Variants in NBAS observed in about 807,000 individuals in gnomAD.
NBAS encodes the protein NBAS subunit of NRZ tethering complex.
In NBAS, 219 loss-of-function variants were observed where a neutral mutation model predicts 302.5. The observed-to-expected ratio is 0.72, with a 90% CI of 0.65 to 0.81. NBAS has a LOEUF of 0.81. Among genes scored for constraint, NBAS ranks in the 30% least tolerant of loss-of-function variants. NBAS has a pLI of 0.00. For synonymous variants in NBAS, 1,118 were observed against 1,021.6 expected, an observed-to-expected ratio of 1.09 and a Z score of -1.80; for missense variants, 2,932 against 2,841.6, an observed-to-expected ratio of 1.03 and a Z score of -0.72.
chr2:15,511,399 A>G lies in NBAS; in HGVS notation c.747-49T>C, dbSNP rs769539187. ...AATCGATAAATTGCAAATATAAATAAGAGCAAAACAAAGAGAGCAGAAACA... is the reference window on the plus strand; with the variant it reads ...AATCGATAAATTGCAAATATAAATAGGAGCAAAACAAAGAGAGCAGAAACA... On this transcript the variant is annotated intron_variant, in intron 9 of 51. Transcript: ENST00000281513. 16 of 1,553,624 alleles carry G rather than the reference A, an allele frequency of 1.0e-5. No individual in the cohort carries two copies. In the South Asian group the frequency reaches 1.7e-4, roughly 16 times the overall value.
intron 46 of NBAS, among the ~76,000 whole-genome samples, chr2:15,233,378 T>G (rs1667460580): frequency 6.6e-6 from 1 of 152,184 alleles, no homozygotes; most frequent in Non-Finnish European, 1.5e-5. Flanking sequence ...TGTCAAAAAT[T>G]TATAAGTGTA....
At chr2:15,066,637 A>C in the NBAS span, among the ~76,000 whole-genome samples, 1 of 152,216 alleles carries the variant, frequency 6.6e-6, no homozygotes, top group East Asian at 1.9e-4. Context: ...GGAAATGCAA[A>C]TCAAAACCAC....
intron 35 of NBAS, among the ~76,000 whole-genome samples, chr2:15,332,962 G>A (rs1185845092): frequency 1.3e-5 from 2 of 152,098 alleles, no homozygotes; most frequent in African/African-American, 4.8e-5. Context: ...TAGGCAATGG[G>A]GTGACAAAAA....
the NBAS span, among the ~76,000 whole-genome samples, chr2:15,135,373 T>G: frequency 1.3e-5 from 2 of 152,224 alleles, no homozygotes; most frequent in African/African-American, 4.8e-5. Context: ...CCCAGGCAGA[T>G]GAGCTAGGTG....
At chr2:15,049,833 C>T in the NBAS span, among the ~76,000 whole-genome samples, 8 of 152,118 alleles carry the variant, frequency 5.3e-5, no homozygotes, top group East Asian at 5.8e-4. Context: ...AACAAGCTGG[C>T]GACAGGGCCG....
At position 15,548,100 on chromosome 2, in the gene NBAS, T is replaced by C. The variant is rs2148704567; in HGVS notation, c.379+3393A>G. Among the ~76,000 whole-genome samples the C allele has an allele frequency of 2.0e-5, 3 of 152,360 alleles. 1 individual carries two copies. The Middle Eastern group carries it at 0.01, about 518-fold the overall frequency. ...TATATAATAAATACATGTACACTTT[T>C]GTGAATTTCTAAAGTTAAACAAGAA... On this transcript the variant is annotated intron_variant, in intron 6 of 51. Coordinates refer to ENST00000281513, the MANE Select transcript of NBAS (RefSeq NM_015909.4).
rs1192581965 is a variant in NBAS, at chr2:15,539,094, G to C, written c.513+129C>G. 2.4e-6 allele frequency: 3 copies of C among 1,247,282 alleles called. No individual in the cohort carries two copies. In the East Asian group the frequency reaches 7.4e-5, roughly 31 times the overall value. The allele number at this position is 1,247,282 out of a possible 1,614,324, so 77.3% of individuals were successfully genotyped here. A position where few individuals can be genotyped will look rare whatever the true frequency, so the allele number is the denominator to read the frequency against. On this transcript the variant is annotated intron_variant, in intron 7 of 51. Coordinates refer to ENST00000281513, the MANE Select transcript of NBAS (RefSeq NM_015909.4). The stretch of plus-strand genomic sequence containing the variant: ...ACAGATTTCTAACTAGATTCTGGGC[G>C]TCTTAAGTCCACAGCTTATTATTCT...
the NBAS span, among the ~76,000 whole-genome samples, chr2:15,011,555 A>ACTAGCC: frequency 2.0e-5 from 3 of 152,116 alleles, no homozygotes; most frequent in Non-Finnish European, 4.4e-5. Context: ...GGGCCTGAGA[A>ACTAGCC]CTAGCCCTGC....
chr2:15,302,814 T>G (rs1670865424), intron 40 of NBAS, among the ~76,000 whole-genome samples: 1 of 152,172 alleles, frequency 6.6e-6, no homozygotes. Flanking sequence ...CACTGTCTAA[T>G]CAGCTGCCAG....
At chr2:15,473,180 T>C (rs368144940) in intron 16 of NBAS, 42 bp downstream of exon 16, 4 of 1,604,074 alleles carry the variant, frequency 2.5e-6, no homozygotes, top group African/African-American at 1.3e-5. Flanking sequence ...AGATATTACA[T>C]GAATATACAT....
the NBAS span, among the ~76,000 whole-genome samples, chr2:15,114,518 G>A: frequency 1.2e-4 from 19 of 152,280 alleles, no homozygotes; most frequent in East Asian, 3.1e-3. Flanking sequence ...TTCAACATAC[G>A]AATTTATGGT....
the NBAS span, among the ~76,000 whole-genome samples, chr2:14,813,812 T>C: frequency 6.6e-6 from 1 of 152,078 alleles, no homozygotes; most frequent in African/African-American, 2.4e-5. Flanking sequence ...GCCAGGACAA[T>C]GGGGAAAATG....
the NBAS span, among the ~76,000 whole-genome samples, chr2:14,894,165 A>C: frequency 6.6e-6 from 1 of 152,220 alleles, no homozygotes; most frequent in Admixed American, 6.5e-5. Context: ...CATAGCTTTC[A>C]TACATACCTT....
intron 38 of NBAS, among the ~76,000 whole-genome samples, chr2:15,327,235 T>C (rs1029374585): frequency 6.6e-6 from 1 of 152,050 alleles, no homozygotes; most frequent in Admixed American, 6.6e-5. Flanking sequence ...GAGGGGGAAT[T>C]CAAAGGACAC....
chr2:15,076,137 A>G, the NBAS span, among the ~76,000 whole-genome samples: 4,079 of 152,248 alleles, frequency 0.027, 154 homozygotes, highest in African/African-American at 0.085. Flanking sequence ...CGAGCCCTTG[A>G]GCCTTGTAGC....
At chr2:15,257,232 T>G (rs1407701050) in intron 44 of NBAS, among the ~76,000 whole-genome samples, 1 of 152,204 alleles carries the variant, frequency 6.6e-6, no homozygotes, top group Non-Finnish European at 1.5e-5. Context: ...CTACTTGTTA[T>G]TTGTCTGTTC....
At chr2:14,822,416 C>T in the NBAS span, among the ~76,000 whole-genome samples, 1 of 152,180 alleles carries the variant, frequency 6.6e-6, no homozygotes, top group Non-Finnish European at 1.5e-5. Flanking sequence ...ATATGAGAGA[C>T]TCTCAGCTGT....
At chr2:14,870,579 A>G in the NBAS span, among the ~76,000 whole-genome samples, 1 of 152,182 alleles carries the variant, frequency 6.6e-6, no homozygotes, top group Non-Finnish European at 1.5e-5. Context: ...AGCAAAGCTT[A>G]AAAGCAAGCC....
intron 48 of NBAS, among the ~76,000 whole-genome samples, chr2:15,208,172 G>A (rs1044317945): frequency 1.3e-5 from 2 of 152,118 alleles, no homozygotes; most frequent in Admixed American, 6.5e-5. Flanking sequence ...CATGTGGCTG[G>A]GAAGGCCTCA....
Sources: allele counts gnomAD v4.1 joint callset (sites outside exome capture counted in the v4.1 genomes callset), GRCh38; gene constraint gnomAD v4.1.1; transcripts MANE v1.5; gene names NCBI Gene and HGNC (gene_info 2026-07-23, HGNC 2026-07-21).